Variants in PDCD11 observed in about 807,000 individuals in gnomAD.
PDCD11 encodes the protein protein RRP5 homolog.
Under a neutral mutation model 198.9 loss-of-function variants are expected in PDCD11, and 97 were observed. The observed-to-expected ratio is 0.49, with a 90% CI of 0.41 to 0.58. PDCD11 has a LOEUF of 0.58. Among genes scored for constraint, PDCD11 ranks in the 20% least tolerant of loss-of-function variants. The probability of loss-of-function intolerance (pLI) is 0.00; values close to 1 mark genes in which losing one functional copy is unlikely to be tolerated. For synonymous variants in PDCD11, 893 were observed against 918.0 expected, an observed-to-expected ratio of 0.97 and a Z score of 0.49; for missense variants, 2,102 against 2,312.7, an observed-to-expected ratio of 0.91 and a Z score of 1.87.
chr10:103,406,203 G>T, intron 6 of PDCD11, 95 bp downstream of exon 6: 1 of 1,450,702 alleles, frequency 6.9e-7, no homozygotes, highest in Non-Finnish European at 9.5e-7. Flanking sequence ...TGACAGAATG[G>T]TGACCCTGAA....
chr10:103,434,275 C>T lies in PDCD11; in HGVS notation c.3592C>T (p.Arg1198Trp), dbSNP rs751580452. 6.8e-6 allele frequency: 11 copies of T among 1,613,446 alleles called. No homozygotes were observed. The highest frequency in any genetic ancestry group is 4.5e-5 in the East Asian group (2 of 44,888). The change falls in exon 24 of 36, where the codon CGG (arginine) becomes TGG (tryptophan). Residue 1198 changes from arginine to tryptophan, a missense_variant. Transcript: ENST00000369797. ...TCTGAAGCATCCAGATAAGAAGTTCCGGGTTGGCCAGGCCCTGAGGGCCAC... is the reference window on the plus strand; with the variant it reads ...TCTGAAGCATCCAGATAAGAAGTTCTGGGTTGGCCAGGCCCTGAGGGCCAC... The part of the protein sequence containing the change: ...KVLKHPDKKF[R>W]VGQALRATVV...
At chr10:103,423,758 T>C in intron 19 of PDCD11, 100 bp downstream of exon 19, 1 of 782,390 alleles carries the variant, frequency 1.3e-6, no homozygotes. Context: ...GTAGCAAGGG[T>C]AGCCCTATGT....
At position 103,405,974 on chromosome 10, in the gene PDCD11, C is replaced by G. The variant is rs376598284; in HGVS notation, c.565-11C>G. The G allele has an allele frequency of 1.9e-6, 3 of 1,612,872 alleles. No individual in the cohort carries two copies. Among genetic ancestry groups the G allele is most frequent in the Non-Finnish European group, 2.5e-6 (3 of 1,179,306 alleles). On this transcript the variant is annotated splice_polypyrimidine_tract_variant and intron_variant, in intron 5 of 35. Coordinates refer to ENST00000369797, the MANE Select transcript of PDCD11 (RefSeq NM_014976.2). ...GAATTGGAACTTCTGGGACTACTTT[C>G]TCTTCCCCAGCTACTTACAGGTACC... is the stretch of plus-strand genomic sequence containing the variant.
At chr10:103,442,111 T>G (rs1458185588) in intron 31 of PDCD11, 102 bp from the exon 32 acceptor site, 3 of 1,551,034 alleles carry the variant, frequency 1.9e-6, no homozygotes, top group Non-Finnish European at 2.6e-6. Context: ...AGGGGGTATA[T>G]ATAGAGCCCT....
Position 103,400,824 on chromosome 10 carries a change from A to G in PDCD11, c.234+296A>G, listed in dbSNP as rs1260669319. On this transcript the variant is annotated intron_variant, in intron 3 of 35. Coordinates refer to ENST00000369797, the MANE Select transcript of PDCD11 (RefSeq NM_014976.2). ...TGGAATGCAGGCATGATCATAGCTC[A>G]CTTTAGTCTTGAACTCCTGGGCTCA... Among the ~76,000 whole-genome samples the G allele has an allele frequency of 3.3e-5, 5 of 152,176 alleles. No individual in the cohort carries two copies. The East Asian group carries it at 9.6e-4, about 29-fold the overall frequency.
Position 103,434,785 on chromosome 10 carries a change from G to A in PDCD11, c.3668-13G>A. 6.3e-7 allele frequency: 1 copy of A among 1,599,734 alleles called. No individual in the cohort carries two copies. Among genetic ancestry groups the A allele is most frequent in the Non-Finnish European group, 8.5e-7 (1 of 1,172,548 alleles). ...ATTTCCTCTTCCCTGAATCAGGTTG[G>A]TTCTTCCACCAGGTCCTCACAAGCT... On this transcript the variant is annotated splice_polypyrimidine_tract_variant and intron_variant, in intron 24 of 35. Transcript: ENST00000369797.
chr10:103,421,715 A>G (rs974598662), intron 17 of PDCD11, 148 bp downstream of exon 17: 29 of 595,270 alleles, frequency 4.9e-5, no homozygotes, highest in Non-Finnish European at 8.6e-5. Context: ...CTGTAATCCC[A>G]GCACTTTGGG....
Position 103,405,104 on chromosome 10 carries a change from G to T in PDCD11, c.485G>T (p.Gly162Val), listed in dbSNP as rs764332860. 6.2e-7 allele frequency: 1 copy of T among 1,614,014 alleles called. No homozygotes were observed. Among genetic ancestry groups the T allele is most frequent in the African/African-American group, 1.3e-5 (1 of 74,922 alleles). Reference protein sequence around the residue: ...VVSSLGITDRGKKSVKLSLNP... With the variant: ...VVSSLGITDRVKKSVKLSLNP... ...AGCAGTCTGGGCATCACAGACAGGG[G>T]CAAGAAGAGTGTCAAGCTGTCTCTG... Residue 162 changes from glycine to valine, a missense_variant, in exon 5 of 36, where the codon GGC becomes GTC. Physicochemically the swap from Gly to Val is moderately radical, Grantham distance 109. Coordinates refer to ENST00000369797, the MANE Select transcript of PDCD11 (RefSeq NM_014976.2).
intron 1 of PDCD11, among the ~76,000 whole-genome samples, chr10:103,398,175 A>G (rs2093447286): frequency 6.6e-6 from 1 of 152,248 alleles, no homozygotes; most frequent in Non-Finnish European, 1.5e-5. Flanking sequence ...AGTATGTGCT[A>G]CATTGAATCT....
intron 2 of PDCD11, among the ~76,000 whole-genome samples, chr10:103,399,450 TCCTC>T (rs1341198491): frequency 6.6e-6 from 1 of 152,102 alleles, no homozygotes; most frequent in Non-Finnish European, 1.5e-5. Flanking sequence ...GCTCAGTCGA[TCCTC>T]CCTCCTTAGC....
In PDCD11 at chr10:103,442,540, C is replaced by T. The variant is rs2032433290; in HGVS notation, c.4955+80C>T. The T allele has an allele frequency of 6.0e-6, 9 of 1,510,588 alleles. No individual in the cohort carries two copies. The South Asian group carries it at 9.8e-5, about 16-fold the overall frequency. 93.6% of individuals were successfully genotyped at this position (1,510,588 alleles called of 1,614,324 possible). On this transcript the variant is annotated intron_variant, in intron 32 of 35. Transcript: ENST00000369797. Reference sequence around the variant, plus strand: ...TTTCTCAACCTGTGGGGTAGCTCCTCCTAGGCAGGCCGGCAGCATTTTGGG... The same window carrying T: ...TTTCTCAACCTGTGGGGTAGCTCCTTCTAGGCAGGCCGGCAGCATTTTGGG...
Position 103,438,796 on chromosome 10 carries a change from G to A in PDCD11, c.4013G>A (p.Gly1338Asp). 1.2e-6 allele frequency: 2 copies of A among 1,614,060 alleles called. No homozygotes were observed. The highest frequency in any genetic ancestry group is 1.1e-5 in the South Asian group (1 of 91,074). ...TATGTAGGGTCCATCCAGCCACACG[G>A]TGTGTTCTTTCGGTGAGTGAGGGGG... ...RGYVGSIQPH[G>D]VFFRLGPSVV... is the part of the protein sequence containing the mutation. The change falls in exon 27 of 36, where the codon GGT (glycine) becomes GAT (aspartate). Residue 1338 changes from glycine to aspartate, a missense_variant. Transcript: ENST00000369797.
chr10:103,435,198 A>T (rs1441778760), intron 25 of PDCD11, among the ~76,000 whole-genome samples: 2 of 152,024 alleles, frequency 1.3e-5, no homozygotes, highest in Non-Finnish European at 2.9e-5. Context: ...TCTTTATATA[A>T]ATAATAGAAT....
At chr10:103,414,413 G>A in intron 11 of PDCD11, 83 bp downstream of exon 11, 2 of 930,306 alleles carry the variant, frequency 2.1e-6, no homozygotes, top group Non-Finnish European at 3.5e-6. Context: ...CAGCCCGTTA[G>A]TCCTCATGTT....
rs919858153 is a variant in PDCD11 at position 103,433,953 on chromosome 10, T to C, written c.3480T>C (p.Asn1160=). ...GGTTCCTTTTTTTCCCTCAGTACAA[T>C]GTGGTGAAGAAATGGCTTGAGGTGG... ...QTVTCFLKKY[N]VVKKWLEVEI... is the part of the protein sequence containing the mutation. The change falls in exon 23 of 36, where the codon AAT becomes AAC. Residue 1160 remains asparagine, a synonymous_variant. Coordinates refer to ENST00000369797, the MANE Select transcript of PDCD11 (RefSeq NM_014976.2). The C allele has an allele frequency of 5.6e-6, 9 of 1,611,748 alleles. No homozygotes were observed. Among genetic ancestry groups the C allele is most frequent in the Admixed American group, 1.7e-5 (1 of 59,998 alleles).
At chr10:103,405,916 G>A (rs1469701911) in intron 5 of PDCD11, 69 bp from the exon 6 acceptor site, 4 of 1,534,280 alleles carry the variant, frequency 2.6e-6, no homozygotes. Context: ...GAACATTCAA[G>A]TTTGGATGTT....
chr10:103,430,761 T>C (rs1396084580), intron 21 of PDCD11, among the ~76,000 whole-genome samples: 1 of 152,044 alleles, frequency 6.6e-6, no homozygotes, highest in African/African-American at 2.4e-5. Flanking sequence ...TGGCCATTGG[T>C]ATATCTTCTT....
At chr10:103,427,751 CTG>C (rs2031760218) in intron 21 of PDCD11, among the ~76,000 whole-genome samples, 1 of 152,114 alleles carries the variant, frequency 6.6e-6, no homozygotes, top group African/African-American at 2.4e-5. Flanking sequence ...ACCTAGACGA[CTG>C]TGTGGTGGGC....
chr10:103,417,282 G>A (rs1342949896), intron 13 of PDCD11, among the ~76,000 whole-genome samples: 2 of 151,612 alleles, frequency 1.3e-5, no homozygotes, highest in Non-Finnish European at 2.9e-5. Context: ...AGTGATTCTC[G>A]TGCTTCAGCC....
Sources: allele counts gnomAD v4.1 joint callset (sites outside exome capture counted in the v4.1 genomes callset), GRCh38; gene constraint gnomAD v4.1.1; transcripts MANE v1.5; gene names NCBI Gene and HGNC (gene_info 2026-07-23, HGNC 2026-07-21).